Variants in SUPT3H observed in about 807,000 individuals in gnomAD.
SUPT3H encodes transcription initiation protein SPT3 homolog.
SUPT3H carries 44 observed loss-of-function variants against 44.3 expected under a neutral mutation model. The ratio of observed to expected loss-of-function variants is 0.99; its 90% confidence interval spans 0.78 to 1.28. SUPT3H has a LOEUF of 1.28. Among genes scored for constraint, SUPT3H ranks in the 50% most tolerant of loss-of-function variants. The pLI, the probability that SUPT3H is intolerant of heterozygous loss-of-function variation, is 0.00. For missense variants in SUPT3H, 380 were observed against 387.1 expected, an observed-to-expected ratio of 0.98 and a Z score of 0.15; for synonymous variants, 124 against 125.6, an observed-to-expected ratio of 0.99 and a Z score of 0.09.
At chr6:44,966,686 T>C (rs1456042847) in intron 6 of SUPT3H, among the ~76,000 whole-genome samples, 3 of 152,188 alleles carry the variant, frequency 2.0e-5, no homozygotes, top group Admixed American at 6.5e-5. Context: ...CTTTAGGCTC[T>C]AGTTTCTTTT....
At chr6:45,311,192 C>T (rs113073341) in intron 2 of SUPT3H, among the ~76,000 whole-genome samples, 67 of 152,236 alleles carry the variant, frequency 4.4e-4, no homozygotes, top group Middle Eastern at 3.4e-3. Context: ...AGCTCAAAGA[C>T]AAGGTCTTCG....
chr6:45,263,916 T>C (rs1395634500), intron 2 of SUPT3H, among the ~76,000 whole-genome samples: 1 of 152,178 alleles, frequency 6.6e-6, no homozygotes, highest in Non-Finnish European at 1.5e-5. Context: ...TTAGGAAAAT[T>C]ATGTTACCTG....
chr6:45,220,377 A>G (rs978599856), intron 2 of SUPT3H, among the ~76,000 whole-genome samples: 5 of 152,138 alleles, frequency 3.3e-5, no homozygotes, highest in Admixed American at 6.5e-5. Flanking sequence ...GAACATATCA[A>G]TTGAGGCAGA....
At chr6:44,968,814 A>G (rs1376846078) in intron 6 of SUPT3H, among the ~76,000 whole-genome samples, 1 of 152,172 alleles carries the variant, frequency 6.6e-6, no homozygotes, top group Admixed American at 6.5e-5. Context: ...CTCTAAACTA[A>G]GCACTGCATC....
intron 2 of SUPT3H, among the ~76,000 whole-genome samples, chr6:45,191,396 T>C (rs1424786305): frequency 6.6e-6 from 1 of 152,098 alleles, no homozygotes; most frequent in African/African-American, 2.4e-5. Flanking sequence ...GATCAGTGTT[T>C]GCCAGAAATT....
chr6:45,315,761 A>G (rs1255993018), intron 2 of SUPT3H, among the ~76,000 whole-genome samples: 2 of 152,230 alleles, frequency 1.3e-5, no homozygotes, highest in Non-Finnish European at 2.9e-5. Context: ...CATTTGATCC[A>G]GCAATCTCAT....
At chr6:44,841,064 G>A (rs1368566351) in intron 10 of SUPT3H, among the ~76,000 whole-genome samples, 1 of 152,108 alleles carries the variant, frequency 6.6e-6, no homozygotes, top group Non-Finnish European at 1.5e-5. Context: ...TTTGCCTTCT[G>A]CCATTATTGG....
chr6:44,977,913 T>G (rs552948424), intron 6 of SUPT3H, among the ~76,000 whole-genome samples: 1 of 152,262 alleles, frequency 6.6e-6, no homozygotes, highest in African/African-American at 2.4e-5. Flanking sequence ...ACCCTCAGAT[T>G]GCGCTACATG....
rs374504960 is a variant in SUPT3H, at chr6:45,355,272, CTTTAA to C, written c.101+9924_101+9928del. 3.9e-4 allele frequency among the ~76,000 whole-genome samples: 59 copies of C among 151,602 alleles called. No individual in the cohort carries two copies. In the East Asian group the frequency reaches 8.7e-3, roughly 22 times the overall value. On this transcript the variant is annotated intron_variant, in intron 2 of 10. Coordinates refer to ENST00000371459, the MANE Select transcript of SUPT3H (RefSeq NM_003599.4). The stretch of plus-strand genomic sequence containing the variant: ...CCACCATGCCCAGCTCCAATAAGCA[CTTTAA>C]TTTAATTTAATTTAATAATTAAGGT...
intron 10 of SUPT3H, among the ~76,000 whole-genome samples, chr6:44,831,827 A>G (rs1323450093): frequency 6.6e-6 from 1 of 152,140 alleles, no homozygotes; most frequent in African/African-American, 2.4e-5. Context: ...TCTTATTAGC[A>G]TGGAAAAGGT....
At chr6:45,159,147 C>G (rs1032938235) in intron 2 of SUPT3H, 1 of 152,176 alleles carries the variant, frequency 6.6e-6, no homozygotes, top group Non-Finnish European at 1.5e-5. Context: ...CAAGCCTCTG[C>G]TCTTCAAGCA....
chr6:45,156,553 G>A (rs904924315), intron 2 of SUPT3H, among the ~76,000 whole-genome samples: 1 of 151,006 alleles, frequency 6.6e-6, no homozygotes, highest in Non-Finnish European at 1.5e-5. Context: ...TATATTTTCT[G>A]TTCTAATACT....
chr6:45,170,513 A>C (rs982052903), intron 2 of SUPT3H, among the ~76,000 whole-genome samples: 1 of 152,244 alleles, frequency 6.6e-6, no homozygotes, highest in Admixed American at 6.5e-5. Context: ...AGCTGAAATC[A>C]GTTCAGCGAA....
intron 3 of SUPT3H, among the ~76,000 whole-genome samples, chr6:45,089,957 G>A (rs993790251): frequency 7.2e-5 from 11 of 151,904 alleles, no homozygotes; most frequent in African/African-American, 2.7e-4. Context: ...TTGAAAATCT[G>A]GTCCCAAGTG....
In SUPT3H at chr6:45,322,949, T is replaced by C. The variant is rs1347792575; in HGVS notation, c.101+42252A>G. 6.8e-6 allele frequency: 11 copies of C among 1,608,832 alleles called. 1 individual carries two copies. In the Admixed American group the frequency reaches 1.7e-4, roughly 25 times the overall value. ...TGGAGAAAAGCCACAGTGCTACAGC[T>C]GTTATTGATAAGCAGTTTCTAAAGG... On this transcript the variant is annotated intron_variant, in intron 2 of 10. Transcript: ENST00000371459.
At chr6:44,914,855 C>T (rs1416292049) in intron 10 of SUPT3H, among the ~76,000 whole-genome samples, 2 of 152,160 alleles carry the variant, frequency 1.3e-5, no homozygotes, top group Non-Finnish European at 2.9e-5. Context: ...GGATACAGGT[C>T]CTCACCAGGT....
chr6:45,298,521 C>CTT (rs1226029261), intron 2 of SUPT3H, among the ~76,000 whole-genome samples: 2 of 144,362 alleles, frequency 1.4e-5, no homozygotes. Context: ...AATGTTATCT[C>CTT]TTTTTTTTTT....
chr6:45,217,538 T>C (rs1342000876), intron 2 of SUPT3H, among the ~76,000 whole-genome samples: 1 of 152,026 alleles, frequency 6.6e-6, no homozygotes, highest in Non-Finnish European at 1.5e-5. Flanking sequence ...ATAAGTCACA[T>C]GTATGTATAC....
At chr6:44,866,268 T>C (rs778600862) in intron 10 of SUPT3H, among the ~76,000 whole-genome samples, 4 of 151,752 alleles carry the variant, frequency 2.6e-5, no homozygotes, top group Non-Finnish European at 5.9e-5. Flanking sequence ...GAGGGGGAGG[T>C]GGCACATGAA....
Sources: gnomAD v4.1 joint callset for allele counts (sites outside exome capture counted in the v4.1 genomes callset) on GRCh38, gnomAD v4.1.1 for gene constraint, MANE v1.5 for transcripts, NCBI Gene and HGNC (gene_info 2026-07-23, HGNC 2026-07-21) for gene names.